Variants in GDF1 observed in about 807,000 individuals in gnomAD.
GDF1 encodes the protein growth differentiation factor 1, also known as embryonic growth/differentiation factor 1.
In GDF1, 8 loss-of-function variants were observed where a neutral mutation model predicts 7.4. The ratio of observed to expected loss-of-function variants is 1.09; its 90% CI spans 0.64 to 1.96. The LOEUF is 1.96. Among genes scored for constraint, GDF1 ranks in the 30% most tolerant of loss-of-function variants. The pLI, the probability that GDF1 is intolerant of heterozygous loss-of-function variation, is 0.00. For missense variants in GDF1, 574 were observed against 551.5 expected, an observed-to-expected ratio of 1.04 and a Z score of -0.41; for synonymous variants, 311 against 276.7, an observed-to-expected ratio of 1.12 and a Z score of -1.23.
In GDF1 at chr19:18,878,304, C is replaced by T; in HGVS notation, c.-313+626G>A. ...CATCCCTGGCCCAGACACCCCCTGC[C>T]TGCCCCAGGCCTGGGGCTTCGGACA... On this transcript the variant is annotated intron_variant, in intron 6 of 7. Coordinates refer to ENST00000247005, the MANE Select transcript of GDF1 (RefSeq NM_001492.6). This position sits in a 1 kb window ranked among gnomAD's most constrained non-coding sequence, Gnocchi z 4.6. The T allele has an allele frequency of 5.1e-6, 5 of 986,118 alleles. No individual in the cohort carries two copies. Among genetic ancestry groups the T allele is most frequent in the Non-Finnish European group, 6.0e-6 (5 of 830,534 alleles). The allele number at this position is 986,118 out of a possible 1,614,324, so 61.1% of individuals were successfully genotyped here.
rs577485199 is a variant in GDF1, at chr19:18,893,432, T to C, written c.-930A>G. On this transcript the variant is annotated 5_prime_UTR_variant, in exon 2 of 8. Transcript: ENST00000247005. ...GGCCCCTACCGTAGAAGACAGATGG[T>C]GGGTCATGGAAGAAGGGGTAGTCGG... is the stretch of plus-strand genomic sequence containing the variant. 150 of 1,604,394 alleles carry C rather than the reference T, an allele frequency of 9.3e-5. 1 individual carries two copies. The South Asian group carries it at 1.5e-3, about 16-fold the overall frequency.
At chr19:18,882,761 C>T (rs1038999136) in intron 3 of GDF1, among the ~76,000 whole-genome samples, 2 of 151,946 alleles carry the variant, frequency 1.3e-5, no homozygotes, top group Admixed American at 6.5e-5. Context: ...GGCATGATCT[C>T]GGCTCACTGC....
rs2055912672 is a variant in GDF1, at chr19:18,869,173, C to T, written c.543G>A (p.Val181=). 8.7e-7 allele frequency: 1 copy of T among 1,153,654 alleles called. No homozygotes were observed. The highest frequency in any genetic ancestry group is 3.3e-5 in the South Asian group (1 of 30,710). 71.5% of individuals were successfully genotyped at this position (1,153,654 alleles called of 1,614,324 possible). A position where few individuals can be genotyped will look rare whatever the true frequency, so the allele number is the denominator to read the frequency against. ...GGGCGGGCACCAACTGGCGGAGCAG[C>T]ACCGGCCCGGGGTCCGCGCCCGCGC... ...GQGAGADPGP[V]LLRQLVPALG... is the part of the protein sequence containing the mutation. Residue 181 remains valine (V), a synonymous_variant, in exon 8 of 8, where the codon GTG becomes GTA. Transcript: ENST00000247005.
At chr19:18,875,740 ACC>A (rs2056049711) in intron 6 of GDF1, among the ~76,000 whole-genome samples, 2 of 152,130 alleles carry the variant, frequency 1.3e-5, no homozygotes, top group Non-Finnish European at 2.9e-5. Context: ...AGTGACCCTG[ACC>A]TGCTTCACCA....
chr19:18,869,407 A>G lies in GDF1; in HGVS notation c.326-17T>C, dbSNP rs1290474649. 1.3e-6 allele frequency: 2 copies of G among 1,526,192 alleles called. No individual in the cohort carries two copies. The highest frequency in any genetic ancestry group is 1.7e-6 in the Non-Finnish European group (2 of 1,142,998). 94.5% of individuals were successfully genotyped at this position (1,526,192 alleles called of 1,614,324 possible). Reference sequence around the variant, plus strand: ...TGGGCGCACCTGGGGAGGTAGGAACAGGAACTCGGCTCGCGCTGCGTCCCC... The same window carrying G: ...TGGGCGCACCTGGGGAGGTAGGAACGGGAACTCGGCTCGCGCTGCGTCCCC... On this transcript the variant is annotated splice_polypyrimidine_tract_variant and intron_variant, in intron 7 of 7. Transcript: ENST00000247005.
Position 18,869,989 on chromosome 19 carries a change from C to T in GDF1, c.319G>A (p.Asp107Asn). The change falls in exon 7 of 8, where the codon GAC becomes AAC. Residue 107 changes from aspartate to asparagine, a missense_variant. Physicochemically the swap from Asp to Asn is conservative, Grantham distance 23. Coordinates refer to ENST00000247005, the MANE Select transcript of GDF1 (RefSeq NM_001492.6). ...CAGCGAAAGCCCCACTCACCGCGGT[C>T]CGGGATGTGGCGCACGATGTTTCCG... is the stretch of plus-strand genomic sequence containing the variant. Reference protein sequence around the residue: ...VAGNIVRHIPDRGAPTRASEP... With the variant: ...VAGNIVRHIPNRGAPTRASEP... 6.3e-7 allele frequency: 1 copy of T among 1,590,922 alleles called. No individual in the cohort carries two copies. The highest frequency in any genetic ancestry group is 8.5e-7 in the Non-Finnish European group (1 of 1,170,314).
chr19:18,869,185 G>A lies in GDF1; in HGVS notation c.531C>T (p.Asp177=). ...VAQAGQGAGA[D]PGPVLLRQLV... is the part of the protein sequence containing the mutation. ...ACTGGCGGAGCAGCACCGGCCCGGGGTCCGCGCCCGCGCCCTGGCCCGCTT... is the reference window on the plus strand; with the variant it reads ...ACTGGCGGAGCAGCACCGGCCCGGGATCCGCGCCCGCGCCCTGGCCCGCTT... The change falls in exon 8 of 8, where the codon GAC becomes GAT. Residue 177 remains aspartate (D), a synonymous_variant. Transcript: ENST00000247005. 2 of 1,173,442 alleles carry A rather than the reference G, an allele frequency of 1.7e-6. No homozygotes were observed. Among genetic ancestry groups the A allele is most frequent in the Non-Finnish European group, 2.1e-6 (2 of 952,038 alleles). The allele number at this position is 1,173,442 out of a possible 1,614,324, so 72.7% of individuals were successfully genotyped here.
intron 3 of GDF1, chr19:18,881,698 G>C (rs2056214102): frequency 6.6e-6 from 1 of 152,270 alleles, no homozygotes; most frequent in Non-Finnish European, 1.5e-5. Flanking sequence ...CAGGTCCTTT[G>C]CACGTGCTGT....
intron 1 of GDF1, among the ~76,000 whole-genome samples, chr19:18,894,155 C>T (rs1189416937): frequency 6.7e-6 from 1 of 148,686 alleles, no homozygotes; most frequent in Non-Finnish European, 1.5e-5. Flanking sequence ...GGACAGGAGG[C>T]GGAAAAGGTG....
chr19:18,880,142 C>T (rs2056166202), intron 4 of GDF1, 132 bp downstream of exon 4: 1 of 933,600 alleles, frequency 1.1e-6, no homozygotes, highest in Non-Finnish European at 1.6e-6. Flanking sequence ...TCATGAGGCC[C>T]CTCCCCTGTC....
In GDF1 at chr19:18,870,083, C is replaced by T. The variant is rs1313375459; in HGVS notation, c.225G>A (p.Arg75=). The change falls in exon 7 of 8, where the codon AGG becomes AGA. Residue 75 remains arginine (R), a synonymous_variant. Coordinates refer to ENST00000247005, the MANE Select transcript of GDF1 (RefSeq NM_001492.6). The surrounding 1 kb of genome is among the most constrained non-coding windows in gnomAD (Gnocchi z 5.1). ...CTGGGGACGTCCGCCGCGAGCCAGA[C>T]CTGGTCTCCTGGGGGTCCCGGCGTC... ...LFRRRDPQET[R]SGSRRTSPGV... is the part of the protein sequence containing the mutation. The T allele has an allele frequency of 6.3e-7, 1 of 1,579,192 alleles. No individual in the cohort carries two copies. The highest frequency in any genetic ancestry group is 8.6e-7 in the Non-Finnish European group (1 of 1,167,294).
At chr19:18,886,805 C>T (rs534847073) in intron 2 of GDF1, among the ~76,000 whole-genome samples, 21 of 152,342 alleles carry the variant, frequency 1.4e-4, no homozygotes, top group African/African-American at 5.0e-4. Flanking sequence ...CTCGGCCTGG[C>T]CCCTTCTGCA....
chr19:18,874,277 C>T (rs1442955558), intron 6 of GDF1, among the ~76,000 whole-genome samples: 1 of 152,108 alleles, frequency 6.6e-6, no homozygotes, highest in Non-Finnish European at 1.5e-5. Flanking sequence ...CCTACATGGG[C>T]CAGATGTAGG....
chr19:18,876,967 C>T (rs934825508), intron 6 of GDF1, among the ~76,000 whole-genome samples: 14 of 152,326 alleles, frequency 9.2e-5, no homozygotes, highest in Admixed American at 2.6e-4. Context: ...GATTGTTCCT[C>T]GGTCTTTCCC....
Position 18,879,356 on chromosome 19 carries a change from T to C in GDF1, c.-538A>G, listed in dbSNP as rs1159373768. On this transcript the variant is annotated 5_prime_UTR_variant, in exon 5 of 8. Transcript: ENST00000247005. ...GCAGTGACTGGTGGCATACAGGACCTTGAGCGGGAACCAGTAGAGGCGGAA... is the reference window on the plus strand; with the variant it reads ...GCAGTGACTGGTGGCATACAGGACCCTGAGCGGGAACCAGTAGAGGCGGAA... 1.3e-5 allele frequency: 21 copies of C among 1,589,566 alleles called. No homozygotes were observed. The highest frequency in any genetic ancestry group is 2.3e-5 in the East Asian group (1 of 43,660).
Position 18,870,595 on chromosome 19 carries a change from C to T in GDF1, c.-288G>A, listed in dbSNP as rs749025315. On this transcript the variant is annotated 5_prime_UTR_variant, in exon 7 of 8. Coordinates refer to ENST00000247005, the MANE Select transcript of GDF1 (RefSeq NM_001492.6). This position sits in a 1 kb window ranked among gnomAD's most constrained non-coding sequence, Gnocchi z 5.1. ...GAGGGGTTCAGAAGCGCTTGTCCTT[C>T]ACCAGGCCGTTCCTCAGTGGCTTCC... The T allele has an allele frequency of 1.7e-6, 1 of 586,560 alleles. No homozygotes were observed. The highest frequency in any genetic ancestry group is 3.0e-5 in the Admixed American group (1 of 33,054). The allele number at this position is 586,560 out of a possible 1,614,324, so 36.3% of individuals were successfully genotyped here. A position where few individuals can be genotyped will look rare whatever the true frequency, so the allele number is the denominator to read the frequency against.
chr19:18,873,681 A>G (rs1236607454), intron 6 of GDF1, among the ~76,000 whole-genome samples: 1 of 152,010 alleles, frequency 6.6e-6, no homozygotes, highest in Non-Finnish European at 1.5e-5. Flanking sequence ...TCTACTAAAA[A>G]AAATACAACT....
At chr19:18,894,123 A>G (rs1601194036) in intron 1 of GDF1, among the ~76,000 whole-genome samples, 2 of 136,242 alleles carry the variant, frequency 1.5e-5, no homozygotes, top group African/African-American at 2.8e-5. Flanking sequence ...AAAGGGGAGG[A>G]GGGGCTGGAG....
chr19:18,869,885 A>G (rs2055933347), intron 7 of GDF1, 98 bp downstream of exon 7: 20 of 1,204,128 alleles, frequency 1.7e-5, no homozygotes, highest in Middle Eastern at 4.4e-4. Flanking sequence ...GCGGGTGGGG[A>G]CCCTCGGAGC....
Sources: gnomAD v4.1 joint callset for allele counts (sites outside exome capture counted in the v4.1 genomes callset) on GRCh38, gnomAD v4.1.1 for gene constraint, Gnocchi (gnomAD v3.1) non-coding constraint, MANE v1.5 for transcripts, NCBI Gene and HGNC (gene_info 2026-07-23, HGNC 2026-07-21) for gene names.